ABCC12: variants seen among roughly 807,000 people sequenced by gnomAD.
ABCC12 encodes the protein ATP binding cassette subfamily C member 12, also known as ATP-binding cassette sub-family C member 12.
A neutral mutation model predicts 151.1 loss-of-function variants in ABCC12; 142 were observed. That is an observed-to-expected ratio of 0.94 (90% CI 0.82 to 1.08). The LOEUF (loss-of-function observed/expected upper bound fraction) is 1.08, where lower values mean the gene tolerates loss of function less well. ABCC12 is among the 50% of genes least tolerant of loss of function. ABCC12 has a pLI of 0.00. For missense variants in ABCC12, 1,638 were observed against 1,691.1 expected (o/e 0.97, Z 0.55); for synonymous variants, 645 against 646.4 (o/e 1.00, Z 0.03).
intron 2 of ABCC12, among the ~76,000 whole-genome samples, chr16:48,151,349 TC>T (rs1965114612): frequency 6.6e-6 from 1 of 152,108 alleles, no homozygotes; most frequent in African/African-American, 2.4e-5. Context: ...GTCAAGGTCA[TC>T]AAAGACAAGG....
rs553186492 is a variant in ABCC12 at position 48,081,368 on chromosome 16, A to G, written c.*2347T>C. 3.9e-5 allele frequency among the ~76,000 whole-genome samples: 6 copies of G among 152,298 alleles called. No individual in the cohort carries two copies. Among genetic ancestry groups the G allele is most frequent in the African/African-American group, 1.4e-4 (6 of 41,554 alleles). On this transcript the variant is annotated 3_prime_UTR_variant, in exon 31 of 31. Transcript: ENST00000311303. ...GCTAAGATGGTTTCGTGTCTTATAC[A>G]TGCAAACAGCCAAACCCTCAGAAGT...
chr16:48,127,713 T>C (rs1159555994), intron 11 of ABCC12, among the ~76,000 whole-genome samples: 1 of 152,162 alleles, frequency 6.6e-6, no homozygotes, highest in Non-Finnish European at 1.5e-5. Flanking sequence ...TAAATAGTAG[T>C]GTTCAAAATT....
chr16:48,113,066 G>A (rs193014601), intron 15 of ABCC12, among the ~76,000 whole-genome samples: 2 of 152,236 alleles, frequency 1.3e-5, no homozygotes, highest in Admixed American at 6.5e-5. Context: ...TGGTTTGACC[G>A]AAAGAAGCCT....
chr16:48,127,234 G>A (rs1369709048), intron 11 of ABCC12, among the ~76,000 whole-genome samples: 1 of 151,610 alleles, frequency 6.6e-6, no homozygotes, highest in Admixed American at 6.6e-5. Flanking sequence ...CAGGATGAGA[G>A]ATTAAAATAC....
chr16:48,098,090 GAC>G (rs66949388), intron 23 of ABCC12, among the ~76,000 whole-genome samples: 21,196 of 121,532 alleles, frequency 0.17, 1,562 homozygotes, highest in African/African-American at 0.19. Context: ...TGCCCCACCT[GAC>G]ACACACACAC....
chr16:48,135,582 C>T (rs1964581359), intron 8 of ABCC12, among the ~76,000 whole-genome samples: 1 of 151,980 alleles, frequency 6.6e-6, no homozygotes. Context: ...GTTGGGATCT[C>T]CCTATGTTGC....
intron 1 of ABCC12, among the ~76,000 whole-genome samples, chr16:48,154,722 C>T (rs1320174898): frequency 1.3e-5 from 2 of 152,232 alleles, no homozygotes; most frequent in Non-Finnish European, 2.9e-5. Flanking sequence ...TTCATTTCTG[C>T]CCCTGTCTAG....
chr16:48,085,054 C>T (rs1962526307), intron 29 of ABCC12, among the ~76,000 whole-genome samples: 1 of 152,048 alleles, frequency 6.6e-6, no homozygotes, highest in East Asian at 1.9e-4. Context: ...CACGCCGGCC[C>T]CTCTCCCCTG....
Position 48,100,962 on chromosome 16 carries a change from C to T in ABCC12, c.2948G>A (p.Ser983Asn). The change falls in exon 23 of 31, where the codon AGC becomes AAC. Residue 983 changes from serine to asparagine, a missense_variant. By Grantham distance (46) the Ser-to-Asn change is conservative. Coordinates refer to ENST00000311303, the MANE Select transcript of ABCC12 (RefSeq NM_001393797.1). The stretch of plus-strand genomic sequence containing the variant: ...GATGTGGGTGAACCAGGGTGACCGG[C>T]TGACATTCTCCACCTTCTTGAGCTC... ...VQELKKVENV[S>N]RSPWFTHITS... is the part of the protein sequence containing the mutation. 6.2e-7 allele frequency: 1 copy of T among 1,614,222 alleles called. No homozygotes were observed. The highest frequency in any genetic ancestry group is 8.5e-7 in the Non-Finnish European group (1 of 1,180,028).
chr16:48,147,019 C>T (rs1965027737), intron 2 of ABCC12, among the ~76,000 whole-genome samples: 2 of 152,108 alleles, frequency 1.3e-5, no homozygotes, highest in South Asian at 4.1e-4. Context: ...CTCAGATCCC[C>T]AGGAGTTTTT....
At chr16:48,118,688 C>T (rs1011934696) in intron 13 of ABCC12, among the ~76,000 whole-genome samples, 10 of 152,224 alleles carry the variant, frequency 6.6e-5, no homozygotes, top group Admixed American at 2.6e-4. Context: ...GCTGCCCTTC[C>T]GGTTGCACAC....
rs552448513 is a variant in ABCC12 at position 48,154,699 on chromosome 16, T to C, written c.-319-815A>G. On this transcript the variant is annotated intron_variant, in intron 1 of 30. Coordinates refer to ENST00000311303, the MANE Select transcript of ABCC12 (RefSeq NM_001393797.1). ...AACCATTTTCCACACCTGCCCACTT[T>C]GCTCTGTTATATTTCATTTCTGCCC... Among the ~76,000 whole-genome samples the C allele has an allele frequency of 9.2e-5, 14 of 152,340 alleles. No homozygotes were observed. The South Asian group carries it at 2.7e-3, about 29-fold the overall frequency.
rs1240392730 is a variant in ABCC12 at position 48,128,500 on chromosome 16, G to A, written c.1474C>T (p.Leu492Phe). ...ATGPEEQSDS[L>F]KSVLHSISFV... ...CTTATGCTGTGCAGAACCGATTTGA[G>A]GCTGTCACTTTGCTCCTCTGGGCCA... The change falls in exon 11 of 31, where the codon CTC becomes TTC. Residue 492 changes from leucine (L) to phenylalanine (F), a missense_variant. Physicochemically the swap from Leu to Phe is conservative, Grantham distance 22. Transcript: ENST00000311303. 1 of 1,614,232 alleles carries A rather than the reference G, an allele frequency of 6.2e-7. No individual in the cohort carries two copies. The highest frequency in any genetic ancestry group is 1.7e-5 in the Admixed American group (1 of 60,030).
chr16:48,126,288 T>G (rs1218856444), intron 11 of ABCC12, among the ~76,000 whole-genome samples: 2 of 152,194 alleles, frequency 1.3e-5, no homozygotes, highest in Non-Finnish European at 2.9e-5. Flanking sequence ...GTAAGAAGCC[T>G]TCTAGATTCA....
In ABCC12 at chr16:48,104,203, C is replaced by T; in HGVS notation, c.2839G>A (p.Val947Met). ...VVFILVILAA[V>M]FPAVLLVVAS... ...ACGACTAAAAGGACAGCAGGAAACA[C>T]AGCAGCCAAGATCACGAGAATAAAC... Residue 947 changes from valine (V) to methionine (M), a missense_variant, in exon 22 of 31, where the codon GTG becomes ATG. Coordinates refer to ENST00000311303, the MANE Select transcript of ABCC12 (RefSeq NM_001393797.1). The T allele has an allele frequency of 1.2e-6, 2 of 1,614,246 alleles. No individual in the cohort carries two copies. Among genetic ancestry groups the T allele is most frequent in the Non-Finnish European group, 1.7e-6 (2 of 1,180,054 alleles).
intron 24 of ABCC12, among the ~76,000 whole-genome samples, chr16:48,092,199 C>A (rs142311534): frequency 6.6e-6 from 1 of 152,344 alleles, no homozygotes; most frequent in African/African-American, 2.4e-5. Context: ...AGCCTGCAAG[C>A]ATGTAATTTG....
chr16:48,149,858 A>C (rs746282322), intron 2 of ABCC12, among the ~76,000 whole-genome samples: 4 of 152,238 alleles, frequency 2.6e-5, no homozygotes, highest in Non-Finnish European at 5.9e-5. Context: ...TCAGGAAAAT[A>C]TGAATTACAA....
At chr16:48,093,628 C>T (rs2150590237) in intron 24 of ABCC12, among the ~76,000 whole-genome samples, 1 of 152,244 alleles carries the variant, frequency 6.6e-6, no homozygotes, top group South Asian at 2.1e-4. Flanking sequence ...CTGCTGACTG[C>T]TGATTCCACA....
chr16:48,094,783 C>A (rs866359314), intron 24 of ABCC12, among the ~76,000 whole-genome samples: 5 of 152,194 alleles, frequency 3.3e-5, no homozygotes, highest in African/African-American at 1.2e-4. Context: ...TGGCTGCTTT[C>A]CTGAAGTGAA....
Sources: gnomAD v4.1 joint callset for allele counts (sites outside exome capture counted in the v4.1 genomes callset) on GRCh38, gnomAD v4.1.1 for gene constraint, MANE v1.5 for transcripts, NCBI Gene and HGNC (gene_info 2026-07-23, HGNC 2026-07-21) for gene names.